Variants in EYA4 observed in about 807,000 individuals in gnomAD.
EYA4 encodes EYA transcriptional coactivator and phosphatase 4.
In EYA4, 31 loss-of-function variants were observed where a neutral mutation model predicts 87.9. That is an observed-to-expected ratio of 0.35 (90% CI 0.27 to 0.48). The LOEUF is 0.48. EYA4 is among the 20% of genes least tolerant of loss of function. The probability of loss-of-function intolerance (pLI) is 0.99; values close to 1 mark genes in which losing one functional copy is unlikely to be tolerated. For synonymous variants in EYA4, 263 were observed against 270.6 expected, an observed-to-expected ratio of 0.97 and a Z score of 0.28; for missense variants, 678 against 761.4, an observed-to-expected ratio of 0.89 and a Z score of 1.29.
At chr6:133,331,277 C>T (rs142484973) in intron 2 of EYA4, among the ~76,000 whole-genome samples, 5 of 152,062 alleles carry the variant, frequency 3.3e-5, no homozygotes, top group African/African-American at 9.6e-5. Context: ...TGTGAAATAT[C>T]AGAAATCTTG....
chr6:133,484,550 AAAAGT>A (rs1796528151), intron 13 of EYA4, among the ~76,000 whole-genome samples: 2 of 152,238 alleles, frequency 1.3e-5, no homozygotes, highest in South Asian at 2.1e-4. Context: ...CCTTTATCAC[AAAAGT>A]AAAGTAAATT....
At chr6:133,371,353 T>C (rs1268406831) in intron 2 of EYA4, among the ~76,000 whole-genome samples, 17 of 152,198 alleles carry the variant, frequency 1.1e-4, no homozygotes. Flanking sequence ...CAGTCAGCAC[T>C]ATCCAGTTTC....
At chr6:133,269,995 G>C (rs758831821) in intron 1 of EYA4, among the ~76,000 whole-genome samples, 23 of 152,228 alleles carry the variant, frequency 1.5e-4, no homozygotes, top group South Asian at 4.2e-4. Context: ...ATATAGGCTG[G>C]GAGGCTAGGC....
At chr6:133,470,258 G>T (rs1346436033) in intron 11 of EYA4, among the ~76,000 whole-genome samples, 1 of 43,968 alleles carries the variant, frequency 2.3e-5, no homozygotes, top group African/African-American at 1.1e-4. Context: ...ATCTTGAATT[G>T]ATTTTTGTAT....
At chr6:133,427,537 G>A (rs146126086) in intron 3 of EYA4, among the ~76,000 whole-genome samples, 1 of 152,130 alleles carries the variant, frequency 6.6e-6, no homozygotes, top group African/African-American at 2.4e-5. Flanking sequence ...AGGCCATTTT[G>A]CAAGTCTTTC....
At chr6:133,452,692 A>G (rs1793565025) in intron 5 of EYA4, among the ~76,000 whole-genome samples, 2 of 152,136 alleles carry the variant, frequency 1.3e-5, no homozygotes, top group Non-Finnish European at 2.9e-5. Flanking sequence ...AAAGCCAATC[A>G]TGTATGTTTA....
intron 3 of EYA4, among the ~76,000 whole-genome samples, chr6:133,433,445 T>G (rs1049111763): frequency 1.3e-5 from 2 of 152,256 alleles, no homozygotes; most frequent in Non-Finnish European, 2.9e-5. Flanking sequence ...GGTATACCTC[T>G]AGTACCCTCT....
chr6:133,505,898 G>A (rs1405099848), intron 13 of EYA4, among the ~76,000 whole-genome samples: 1 of 152,100 alleles, frequency 6.6e-6, no homozygotes, highest in Non-Finnish European at 1.5e-5. Flanking sequence ...CGTTACGTAT[G>A]TCTGAATTCC....
At position 133,420,187 on chromosome 6, in the gene EYA4, T is replaced by C. The variant is rs1479659043; in HGVS notation, c.84-26443T>C. The stretch of plus-strand genomic sequence containing the variant: ...GCAGAAATTTCCCATTATTAAGAGA[T>C]GTTAATAGTGAATATGCATTCATAT... On this transcript the variant is annotated intron_variant, in intron 3 of 19. Coordinates refer to ENST00000355286, the MANE Select transcript of EYA4 (RefSeq NM_004100.5). 2.0e-5 allele frequency among the ~76,000 whole-genome samples: 3 copies of C among 151,594 alleles called. No homozygotes were observed. In the East Asian group the frequency reaches 5.8e-4, roughly 29 times the overall value.
At chr6:133,483,715 T>TATC (rs1289690030) in intron 13 of EYA4, among the ~76,000 whole-genome samples, 1 of 106,476 alleles carries the variant, frequency 9.4e-6, no homozygotes, top group Admixed American at 9.2e-5. Context: ...TTATTATTAT[T>TATC]ATTATTATTA....
intron 2 of EYA4, among the ~76,000 whole-genome samples, chr6:133,300,362 GTTAAATA>G (rs951055532): frequency 2.0e-5 from 3 of 152,028 alleles, no homozygotes; most frequent in Non-Finnish European, 4.4e-5. Flanking sequence ...ATCATCTACT[GTTAAATA>G]TTAATGTAAT....
Position 133,269,229 on chromosome 6 carries a change from A to C in EYA4, c.-65-5487A>C, listed in dbSNP as rs961982336. On this transcript the variant is annotated intron_variant, in intron 1 of 19. Coordinates refer to ENST00000355286, the MANE Select transcript of EYA4 (RefSeq NM_004100.5). The stretch of plus-strand genomic sequence containing the variant: ...AGCTGAGATTATGCCACTGCACTAC[A>C]ACCTGGGCGACAGAGCAGGACTTCA... Among the ~76,000 whole-genome samples the C allele has an allele frequency of 2.0e-4, 31 of 152,186 alleles. 1 individual carries two copies. The highest frequency in any genetic ancestry group is 3.2e-3 in the Middle Eastern group (1 of 316).
intron 17 of EYA4, among the ~76,000 whole-genome samples, chr6:133,521,409 A>T (rs1428125558): frequency 1.4e-5 from 2 of 142,572 alleles, no homozygotes; most frequent in African/African-American, 2.6e-5. Flanking sequence ...TCAAAACCAC[A>T]ATGAGATACC....
At chr6:133,497,207 A>G (rs1797718485) in intron 13 of EYA4, among the ~76,000 whole-genome samples, 1 of 151,960 alleles carries the variant, frequency 6.6e-6, no homozygotes, top group South Asian at 2.1e-4. Flanking sequence ...CAGGTTCTTA[A>G]TCTCTGTATT....
At chr6:133,350,703 A>G (rs1783576913) in intron 2 of EYA4, among the ~76,000 whole-genome samples, 1 of 152,052 alleles carries the variant, frequency 6.6e-6, no homozygotes, top group South Asian at 2.1e-4. Context: ...TTCGTACTTC[A>G]GTTTGCTACA....
intron 13 of EYA4, among the ~76,000 whole-genome samples, chr6:133,483,348 A>ACAT (rs1796389617): frequency 1.3e-5 from 2 of 152,306 alleles, no homozygotes; most frequent in East Asian, 3.9e-4. Flanking sequence ...TGAGTTTTCT[A>ACAT]CATCAAGACC....
chr6:133,382,009 G>A (rs141428693), intron 2 of EYA4, among the ~76,000 whole-genome samples: 2 of 152,232 alleles, frequency 1.3e-5, no homozygotes, highest in African/African-American at 4.8e-5. Flanking sequence ...TCAAAACCTG[G>A]TGTTTATTAT....
At chr6:133,303,491 T>G (rs1178803955) in intron 2 of EYA4, among the ~76,000 whole-genome samples, 2 of 152,178 alleles carry the variant, frequency 1.3e-5, no homozygotes, top group African/African-American at 2.4e-5. Flanking sequence ...GACCAAAGTT[T>G]ATAGCCTCTC....
intron 7 of EYA4, among the ~76,000 whole-genome samples, chr6:133,461,518 T>C (rs889740190): frequency 6.6e-6 from 1 of 152,158 alleles, no homozygotes; most frequent in African/African-American, 2.4e-5. Flanking sequence ...CCAGTTCTAA[T>C]AAACATATTT....
Sources: gnomAD v4.1 joint callset for allele counts (sites outside exome capture counted in the v4.1 genomes callset) on GRCh38, gnomAD v4.1.1 for gene constraint, MANE v1.5 for transcripts, NCBI Gene and HGNC (gene_info 2026-07-23, HGNC 2026-07-21) for gene names.